Variants in ZBBX observed in about 807,000 individuals in gnomAD.
ZBBX encodes zinc finger B-box domain containing.
Under a neutral mutation model 108.5 loss-of-function variants are expected in ZBBX, and 101 were observed. The ratio of observed to expected loss-of-function variants is 0.93; its 90% confidence interval spans 0.79 to 1.10. The LOEUF is 1.10. ZBBX is among the 50% of genes least tolerant of loss of function. The pLI is 0.00. For synonymous variants in ZBBX, 356 were observed against 323.4 expected, an observed-to-expected ratio of 1.10 and a Z score of -1.08; for missense variants, 1,009 against 941.4, an observed-to-expected ratio of 1.07 and a Z score of -0.94.
At chr3:167,313,473 G>A (rs897946392) in intron 16 of ZBBX, among the ~76,000 whole-genome samples, 1 of 151,842 alleles carries the variant, frequency 6.6e-6, no homozygotes, top group African/African-American at 2.4e-5. Flanking sequence ...AGTAGAGATA[G>A]GGTTTTGCTA....
intron 2 of ZBBX, among the ~76,000 whole-genome samples, chr3:167,376,054 G>A (rs1013341245): frequency 2.0e-5 from 3 of 152,068 alleles, no homozygotes; most frequent in Non-Finnish European, 4.4e-5. Context: ...ATATCATGGG[G>A]CATTTTGATA....
At chr3:167,242,458 A>T in intron 21 of ZBBX, 47 bp downstream of exon 21, 1 of 1,495,060 alleles carries the variant, frequency 6.7e-7, no homozygotes, top group South Asian at 1.4e-5. Context: ...GCTTGTCAAA[A>T]TTTTACTACA....
At chr3:167,366,185 A>T (rs1450306611) in intron 5 of ZBBX, among the ~76,000 whole-genome samples, 1 of 151,896 alleles carries the variant, frequency 6.6e-6, no homozygotes, top group East Asian at 1.9e-4. Context: ...ACCTTTGTGG[A>T]GAAATGAATA....
intron 5 of ZBBX, among the ~76,000 whole-genome samples, chr3:167,367,177 G>A (rs1234753414): frequency 2.6e-5 from 4 of 151,692 alleles, no homozygotes; most frequent in Non-Finnish European, 5.9e-5. Context: ...ACCAGCAAAC[G>A]GACATGAAAC....
At chr3:167,247,161 G>T (rs1042911400) in intron 20 of ZBBX, among the ~76,000 whole-genome samples, 2 of 152,238 alleles carry the variant, frequency 1.3e-5, no homozygotes, top group South Asian at 4.1e-4. Flanking sequence ...AAAAACCTGA[G>T]ACACTAGCAG....
At chr3:167,331,230 C>A (rs914496405) in intron 10 of ZBBX, among the ~76,000 whole-genome samples, 1 of 152,050 alleles carries the variant, frequency 6.6e-6, no homozygotes, top group Non-Finnish European at 1.5e-5. Flanking sequence ...AGTGAAAATA[C>A]TACAGAAAAT....
intron 1 of ZBBX, among the ~76,000 whole-genome samples, chr3:167,395,786 A>C (rs910752589): frequency 2.0e-5 from 3 of 151,928 alleles, no homozygotes; most frequent in Non-Finnish European, 4.4e-5. Context: ...CATATCATAA[A>C]TTGCAAATTT....
intron 10 of ZBBX, among the ~76,000 whole-genome samples, chr3:167,333,069 C>T (rs529650181): frequency 9.2e-5 from 14 of 152,052 alleles, no homozygotes; most frequent in Non-Finnish European, 2.1e-4. Flanking sequence ...AATTCAAGCA[C>T]ACTCCCTCTG....
At chr3:167,203,047 T>C in the ZBBX span, among the ~76,000 whole-genome samples, 1 of 152,160 alleles carries the variant, frequency 6.6e-6, no homozygotes, top group Admixed American at 6.6e-5. Flanking sequence ...GGGAAAAGCA[T>C]GATGCCAATT....
chr3:167,290,640 GC>G (rs1456370683), intron 18 of ZBBX, among the ~76,000 whole-genome samples: 1 of 152,078 alleles, frequency 6.6e-6, no homozygotes, highest in Non-Finnish European at 1.5e-5. Flanking sequence ...AAACCTGAAT[GC>G]CTCCTCTCCT....
Position 167,364,186 on chromosome 3 carries a change from CA to C in ZBBX, c.273+1699del, listed in dbSNP as rs542126583. On this transcript the variant is annotated intron_variant, in intron 6 of 21. Coordinates refer to ENST00000675490, the MANE Select transcript of ZBBX (RefSeq NM_001199201.2). The stretch of plus-strand genomic sequence containing the variant: ...GCCCTTACTCACTATATATCTTTAG[CA>C]AAAAAAAAAAATACGCAAAAACAAC... Among the ~76,000 whole-genome samples, 875 of 137,100 alleles carry C rather than the reference CA, an allele frequency of 6.4e-3. 4 individuals are homozygous for C. The highest frequency in any genetic ancestry group is 0.016 in the African/African-American group (602 of 37,826). 89.9% of individuals were successfully genotyped at this position (137,100 alleles called of 152,430 possible).
intron 17 of ZBBX, among the ~76,000 whole-genome samples, chr3:167,305,083 A>G (rs1016006265): frequency 7.2e-5 from 11 of 152,184 alleles, no homozygotes; most frequent in African/African-American, 2.7e-4. Context: ...AGTATATAGA[A>G]TGAAATTCAA....
intron 11 of ZBBX, among the ~76,000 whole-genome samples, chr3:167,327,266 A>G (rs1257462857): frequency 1.3e-5 from 2 of 152,178 alleles, no homozygotes; most frequent in Non-Finnish European, 2.9e-5. Flanking sequence ...TTCTAAAAAA[A>G]AAAAATTCCT....
At chr3:167,274,343 C>T (rs1194656790) in intron 20 of ZBBX, among the ~76,000 whole-genome samples, 6 of 152,126 alleles carry the variant, frequency 3.9e-5, no homozygotes, top group African/African-American at 9.7e-5. Context: ...ACCATGCATC[C>T]GTGGGCTAGT....
chr3:167,263,878 C>T (rs563889005), intron 20 of ZBBX, among the ~76,000 whole-genome samples: 187 of 152,222 alleles, frequency 1.2e-3, no homozygotes, highest in Non-Finnish European at 2.4e-3. Context: ...ATAATATTTG[C>T]GTTATATATC....
chr3:167,193,167 T>TG, the ZBBX span, among the ~76,000 whole-genome samples: 1 of 152,202 alleles, frequency 6.6e-6, no homozygotes, highest in South Asian at 2.1e-4. Flanking sequence ...CTTTCTTTTT[T>TG]CCCCACTAGG....
At chr3:167,355,354 T>C (rs1743373104) in intron 8 of ZBBX, among the ~76,000 whole-genome samples, 1 of 151,926 alleles carries the variant, frequency 6.6e-6, no homozygotes, top group Non-Finnish European at 1.5e-5. Flanking sequence ...GAGGTACAGA[T>C]TACTGTTATC....
At chr3:167,185,362 G>A in the ZBBX span, among the ~76,000 whole-genome samples, 3 of 152,008 alleles carry the variant, frequency 2.0e-5, no homozygotes, top group African/African-American at 7.2e-5. Context: ...TGGGGACAGT[G>A]GTTGATTATT....
At chr3:167,200,729 C>T in the ZBBX span, among the ~76,000 whole-genome samples, 1 of 152,070 alleles carries the variant, frequency 6.6e-6, no homozygotes, top group Non-Finnish European at 1.5e-5. Context: ...CGCTCTGTTT[C>T]CTCAAAGAGT....
Sources: allele counts gnomAD v4.1 joint callset (sites outside exome capture counted in the v4.1 genomes callset), GRCh38; gene constraint gnomAD v4.1.1; transcripts MANE v1.5; gene names NCBI Gene and HGNC (gene_info 2026-07-23, HGNC 2026-07-21).